Variants in NIPSNAP2 observed in about 807,000 individuals in gnomAD.
The protein encoded by NIPSNAP2 is protein NipSnap homolog 2.
In NIPSNAP2, 42 loss-of-function variants were observed where a neutral mutation model predicts 48.4. The ratio of observed to expected loss-of-function variants is 0.87; its 90% CI spans 0.68 to 1.12. The LOEUF is 1.12. Ranked by LOEUF, NIPSNAP2 falls within the 50% of genes most tolerant of loss-of-function variation. The pLI is 0.00. For synonymous variants in NIPSNAP2, 158 were observed against 126.6 expected (o/e 1.25, Z -1.67); for missense variants, 314 against 347.3 (o/e 0.90, Z 0.76).
intron 1 of NIPSNAP2, among the ~76,000 whole-genome samples, chr7:55,977,059 A>G (rs1214092800): frequency 6.6e-6 from 1 of 150,722 alleles, no homozygotes; most frequent in African/African-American, 2.4e-5. Context: ...GGGCAGTTAA[A>G]AAATTTTTGA....
chr7:55,975,879 A>G (rs954729886), intron 1 of NIPSNAP2, among the ~76,000 whole-genome samples: 1 of 152,156 alleles, frequency 6.6e-6, no homozygotes, highest in Non-Finnish European at 1.5e-5. Flanking sequence ...TTCTACTAAA[A>G]ATACAAAAAT....
chr7:55,990,185 T>C (rs1372384405), intron 7 of NIPSNAP2, among the ~76,000 whole-genome samples: 2 of 152,022 alleles, frequency 1.3e-5, no homozygotes, highest in Non-Finnish European at 2.9e-5. Context: ...GCATTTTTTT[T>C]CTTTGAAACT....
intron 7 of NIPSNAP2, among the ~76,000 whole-genome samples, chr7:55,994,002 T>C (rs1787504472): frequency 6.6e-6 from 1 of 151,876 alleles, no homozygotes; most frequent in Non-Finnish European, 1.5e-5. Context: ...ATTCCCATGG[T>C]TCCTCTGTAT....
At chr7:55,968,131 A>G (rs1263727867) in intron 1 of NIPSNAP2, among the ~76,000 whole-genome samples, 1 of 152,132 alleles carries the variant, frequency 6.6e-6, no homozygotes, top group Admixed American at 6.6e-5. Context: ...CCTAGTAGAA[A>G]GATCTCTATG....
chr7:55,995,929 G>A (rs902305678), intron 8 of NIPSNAP2, among the ~76,000 whole-genome samples: 1 of 152,132 alleles, frequency 6.6e-6, no homozygotes, highest in Non-Finnish European at 1.5e-5. Flanking sequence ...AGTGAGCTAT[G>A]ACTGTGCCAC....
At chr7:55,969,489 G>A (rs1786969219) in intron 1 of NIPSNAP2, among the ~76,000 whole-genome samples, 1 of 152,118 alleles carries the variant, frequency 6.6e-6, no homozygotes, top group Admixed American at 6.6e-5. Context: ...TACTTCGTTA[G>A]AGCAGGCCCC....
chr7:55,985,380 T>C (rs867453578), intron 7 of NIPSNAP2, among the ~76,000 whole-genome samples: 10 of 152,272 alleles, frequency 6.6e-5, no homozygotes, highest in Admixed American at 1.3e-4. Flanking sequence ...ATAACAATTT[T>C]TCCACAAGTT....
chr7:55,991,701 T>G (rs1787445594), intron 7 of NIPSNAP2: 2 of 159,650 alleles, frequency 1.3e-5, no homozygotes, highest in Admixed American at 6.9e-5. Context: ...CAAGCCAAGA[T>G]CGCACCATTG....
intron 9 of NIPSNAP2, 28 bp from the exon 10 acceptor site, chr7:55,998,980 A>G: frequency 1.3e-6 from 2 of 1,592,788 alleles, no homozygotes; most frequent in Non-Finnish European, 1.7e-6. Context: ...GAAAGTAACA[A>G]GTGCAGTAAC....
chr7:55,968,570 T>C (rs1196113627), intron 1 of NIPSNAP2, among the ~76,000 whole-genome samples: 2 of 152,022 alleles, frequency 1.3e-5, no homozygotes, highest in African/African-American at 4.8e-5. Context: ...GTATTTTTAA[T>C]AGAGATGGGG....
intron 7 of NIPSNAP2, among the ~76,000 whole-genome samples, chr7:55,990,229 T>TC (rs1787415179): frequency 6.8e-6 from 1 of 147,844 alleles, no homozygotes. Context: ...TTTGTTTCTT[T>TC]TCTTTTTTTT....
Position 55,964,633 on chromosome 7 carries a change from C to T in NIPSNAP2, c.24C>T (p.Ala8=), listed in dbSNP as rs866438920. The T allele has an allele frequency of 6.6e-6, 7 of 1,068,092 alleles. No homozygotes were observed. The highest frequency in any genetic ancestry group is 4.2e-4 in the Middle Eastern group (1 of 2,368). 66.2% of individuals were successfully genotyped at this position (1,068,092 alleles called of 1,614,324 possible). Residue 8 remains alanine (A), a synonymous_variant, in exon 1 of 10, where the codon GCC becomes GCT. Coordinates refer to ENST00000322090, the MANE Select transcript of NIPSNAP2 (RefSeq NM_001483.3). The stretch of plus-strand genomic sequence containing the variant: ...AGATGGCGGCGCGAGTGCTGCGCGC[C>T]CGCGGAGCGGCCTGGGCCGGCGGCC... MAARVLR[A]RGAAWAGGLL...
Position 55,978,139 on chromosome 7 carries a change from T to G in NIPSNAP2, c.106T>G (p.Ser36Ala), listed in dbSNP as rs774405695. ...LLPRLRTWTSSSNRSREDSWL... is the reference protein window; with the variant it reads ...LLPRLRTWTSASNRSREDSWL... ...GTTATTCCATAGGACATGGACATCT[T>G]CCAGCAACAGATCTCGAGAAGACAG... The change falls in exon 2 of 10, where the codon TCC becomes GCC. Residue 36 changes from serine to alanine, a missense_variant. Physicochemically the swap from Ser to Ala is moderately conservative, Grantham distance 99. Transcript: ENST00000322090. 5 of 1,614,164 alleles carry G rather than the reference T, an allele frequency of 3.1e-6. No individual in the cohort carries two copies. The South Asian group carries it at 5.5e-5, about 18-fold the overall frequency.
At chr7:55,996,954 TTTGATG>T (rs1421659771) in intron 8 of NIPSNAP2, among the ~76,000 whole-genome samples, 1 of 151,966 alleles carries the variant, frequency 6.6e-6, no homozygotes, top group Non-Finnish European at 1.5e-5. Flanking sequence ...ACTGAGGCGT[TTTGATG>T]ATTTGAGCCC....
At chr7:55,987,939 A>G (rs1239975557) in intron 7 of NIPSNAP2, among the ~76,000 whole-genome samples, 2 of 152,202 alleles carry the variant, frequency 1.3e-5, no homozygotes, top group East Asian at 1.9e-4. Context: ...GGTAAATTCA[A>G]TGTTAACGTG....
Position 55,969,790 on chromosome 7 carries a change from T to A in NIPSNAP2, c.92+5089T>A, listed in dbSNP as rs549722860. 1.1e-4 allele frequency among the ~76,000 whole-genome samples: 16 copies of A among 152,188 alleles called. No individual in the cohort carries two copies. The East Asian group carries it at 1.4e-3, about 13-fold the overall frequency. ...CGAGGTCAGGAGATCGAGACCATCC[T>A]GGCTAACATGGTGAAACCCTGTCTC... On this transcript the variant is annotated intron_variant, in intron 1 of 9. Transcript: ENST00000322090.
In NIPSNAP2 at chr7:55,978,132, G is replaced by A. The variant is rs766042610; in HGVS notation, c.99G>A (p.Trp33Ter). ...PCSLLPRLRT[W>*]TSSSNRSRED... ...CACCTTTGTTATTCCATAGGACATG[G>A]ACATCTTCCAGCAACAGATCTCGAG... Residue 33 changes from tryptophan (W) to a stop codon, truncating the protein, a stop_gained, in exon 2 of 10, where the codon TGG (tryptophan) becomes TGA (stop). Coordinates refer to ENST00000322090, the MANE Select transcript of NIPSNAP2 (RefSeq NM_001483.3). LOFTEE classifies it high-confidence loss of function. 1.2e-6 allele frequency: 2 copies of A among 1,614,082 alleles called. No homozygotes were observed. Among genetic ancestry groups the A allele is most frequent in the Admixed American group, 3.3e-5 (2 of 59,994 alleles).
At chr7:55,997,672 C>A (rs1242884703) in intron 9 of NIPSNAP2, among the ~76,000 whole-genome samples, 1 of 152,128 alleles carries the variant, frequency 6.6e-6, no homozygotes, top group Non-Finnish European at 1.5e-5. Flanking sequence ...TCATCTGTTA[C>A]AGTTTTCAGA....
intron 1 of NIPSNAP2, among the ~76,000 whole-genome samples, chr7:55,967,732 T>G (rs1277543499): frequency 6.6e-6 from 1 of 151,884 alleles, no homozygotes; most frequent in Non-Finnish European, 1.5e-5. Context: ...CCCTGCAACC[T>G]CCACCTCCTG....
Sources: allele counts gnomAD v4.1 joint callset (sites outside exome capture counted in the v4.1 genomes callset), GRCh38; gene constraint gnomAD v4.1.1; transcripts MANE v1.5; gene names NCBI Gene and HGNC (gene_info 2026-07-23, HGNC 2026-07-21).